Variants in ZNF528 observed in about 807,000 individuals in gnomAD.
ZNF528 encodes the protein zinc finger protein 528.
In ZNF528, 9 loss-of-function variants were observed where a neutral mutation model predicts 13.3. The ratio of observed to expected loss-of-function variants is 0.67; its 90% CI spans 0.41 to 1.18. The LOEUF (loss-of-function observed/expected upper bound fraction) is 1.18, where lower values mean the gene tolerates loss of function less well. Among genes scored for constraint, ZNF528 ranks in the 50% most tolerant of loss-of-function variants. The pLI is 0.01. For synonymous variants in ZNF528, 264 were observed against 254.3 expected, an observed-to-expected ratio of 1.04 and a Z score of -0.36; for missense variants, 858 against 745.4, an observed-to-expected ratio of 1.15 and a Z score of -1.76.
At chr19:52,398,834 C>G (rs1407121646) in intron 2 of ZNF528, among the ~76,000 whole-genome samples, 2 of 152,044 alleles carry the variant, frequency 1.3e-5, no homozygotes, top group Non-Finnish European at 2.9e-5. Flanking sequence ...GAGGGGGCAG[C>G]TGGTCACAAG....
chr19:52,416,415 C>A lies in ZNF528; in HGVS notation c.1563C>A (p.Tyr521Ter). 6.2e-7 allele frequency: 1 copy of A among 1,614,112 alleles called. No homozygotes were observed. Among genetic ancestry groups the A allele is most frequent in the Non-Finnish European group, 8.5e-7 (1 of 1,180,008 alleles). The change falls in exon 7 of 7, where the codon TAC becomes TAA. Residue 521 changes from tyrosine (Y) to a stop codon, truncating the protein, a stop_gained. Coordinates refer to ENST00000360465, the MANE Select transcript of ZNF528 (RefSeq NM_032423.3). LOFTEE classifies it low-confidence loss of function (END_TRUNC). ...HQKIHTGEKP[Y>*]KCNQCGKVFN... ...AAATTCATACAGGAGAAAAGCCTTA[C>A]AAATGTAATCAATGTGGCAAGGTCT...
At chr19:52,405,772 C>A in intron 4 of ZNF528, 135 bp from the exon 5 acceptor site, 2 of 1,199,568 alleles carry the variant, frequency 1.7e-6, no homozygotes, top group Non-Finnish European at 2.4e-6. Context: ...ACGTAACTGG[C>A]TCAAGAATAC....
intron 6 of ZNF528, chr19:52,412,563 G>C (rs1585207): frequency 0.64 from 96,968 of 151,972 alleles, 33,160 homozygotes; most frequent in Non-Finnish European, 0.79. Flanking sequence ...AGAATGCCCT[G>C]ATTGTTTGAG....
chr19:52,398,864 G>A (rs923324730), intron 2 of ZNF528, among the ~76,000 whole-genome samples: 8 of 152,152 alleles, frequency 5.3e-5, no homozygotes, highest in African/African-American at 1.9e-4. Flanking sequence ...GAGAACCACA[G>A]CAGGGGGAGG....
rs113411908 is a variant in ZNF528, at chr19:52,406,338, G to A, written c.143-177G>A. Among the ~76,000 whole-genome samples the A allele has an allele frequency of 4.3e-4, 65 of 152,284 alleles. No individual in the cohort carries two copies. In the Middle Eastern group the frequency reaches 0.01, roughly 24 times the overall value. On this transcript the variant is annotated intron_variant, in intron 5 of 6. Transcript: ENST00000360465. ...GCTTTTGATTCTATAGTTCTTGGAA[G>A]GGGGCTCTATGTCTGCATGTTACAA...
chr19:52,400,723 A>G (rs1335460895), intron 2 of ZNF528, among the ~76,000 whole-genome samples: 1 of 151,784 alleles, frequency 6.6e-6, no homozygotes, highest in Non-Finnish European at 1.5e-5. Flanking sequence ...ACAAAGTCTC[A>G]CTACATTGCC....
rs143503832 is a variant in ZNF528 at position 52,416,670 on chromosome 19, A to T, written c.1818A>T (p.Lys606Asn). The T allele has an allele frequency of 4.0e-5, 64 of 1,613,852 alleles. No homozygotes were observed. Among genetic ancestry groups the T allele is most frequent in the Non-Finnish European group, 5.1e-5 (60 of 1,179,820 alleles). The stretch of plus-strand genomic sequence containing the variant: ...TTCACATTGGAGAGAAACCTTACAA[A>T]TGCACCCTGTGCAGTAAGGTCTTCA... Reference protein sequence around the residue: ...HRIHIGEKPYKCTLCSKVFSH... With the variant: ...HRIHIGEKPYNCTLCSKVFSH... Residue 606 changes from lysine to asparagine, a missense_variant, in exon 7 of 7, where the codon AAA becomes AAT. Physicochemically the swap from Lys to Asn is moderately conservative, Grantham distance 94 (BLOSUM62 0). Transcript: ENST00000360465.
intron 6 of ZNF528, chr19:52,413,940 T>C: frequency 5.2e-6 from 2 of 384,480 alleles, no homozygotes; most frequent in Non-Finnish European, 9.7e-6. Flanking sequence ...CCATGGGCCA[T>C]GCATCATAAT....
At position 52,398,604 on chromosome 19, in the gene ZNF528, G is replaced by C. The variant is rs971644626; in HGVS notation, c.-152G>C. 5 of 985,400 alleles carry C rather than the reference G, an allele frequency of 5.1e-6. No individual in the cohort carries two copies. In the African/African-American group the frequency reaches 8.7e-5, roughly 17 times the overall value. The allele number at this position is 985,400 out of a possible 1,614,324, so 61.0% of individuals were successfully genotyped here. A position where few individuals can be genotyped will look rare whatever the true frequency, so the allele number is the denominator to read the frequency against. The stretch of plus-strand genomic sequence containing the variant: ...ATGAAGAATGAGAGACCCATTAACA[G>C]AAGGCAAAGTAGAAGGTGAGTGAGG... On this transcript the variant is annotated 5_prime_UTR_variant, in exon 2 of 7. Coordinates refer to ENST00000360465, the MANE Select transcript of ZNF528 (RefSeq NM_032423.3).
In ZNF528 at chr19:52,417,197, G is replaced by T. The variant is rs1022861663; in HGVS notation, c.*458G>T. 5 of 267,344 alleles carry T rather than the reference G, an allele frequency of 1.9e-5. No homozygotes were observed. Among genetic ancestry groups the T allele is most frequent in the Non-Finnish European group, 3.6e-5 (5 of 137,374 alleles). 16.6% of individuals were successfully genotyped at this position (267,344 alleles called of 1,614,324 possible). ...CTTTGTGACTTCGAAATCTTTTCATGTGCCTTCCATACAGGCCATTCACTG... is the reference window on the plus strand; with the variant it reads ...CTTTGTGACTTCGAAATCTTTTCATTTGCCTTCCATACAGGCCATTCACTG... On this transcript the variant is annotated 3_prime_UTR_variant, in exon 7 of 7. Coordinates refer to ENST00000360465, the MANE Select transcript of ZNF528 (RefSeq NM_032423.3).
chr19:52,409,836 C>A (rs930282164), intron 6 of ZNF528, among the ~76,000 whole-genome samples: 1 of 152,052 alleles, frequency 6.6e-6, no homozygotes, highest in Admixed American at 6.6e-5. Context: ...CTTGTCTTAG[C>A]CTCCTGAGTA....
intron 4 of ZNF528, among the ~76,000 whole-genome samples, 164 bp from the exon 5 acceptor site, chr19:52,405,743 T>C (rs12462502): frequency 0.011 from 1,687 of 152,266 alleles, 31 homozygotes; most frequent in African/African-American, 0.039. Flanking sequence ...AGAAATATAA[T>C]AAAACCACAA....
chr19:52,399,974 T>C (rs994028658), intron 2 of ZNF528, among the ~76,000 whole-genome samples: 1 of 152,144 alleles, frequency 6.6e-6, no homozygotes, highest in Non-Finnish European at 1.5e-5. Flanking sequence ...TGTGGTTTTT[T>C]CCTGTCTCAA....
chr19:52,404,448 A>G (rs986417650), intron 4 of ZNF528, among the ~76,000 whole-genome samples: 2 of 151,898 alleles, frequency 1.3e-5, no homozygotes, highest in African/African-American at 4.8e-5. Flanking sequence ...GGATGCTCTC[A>G]GTCTCTTGAC....
Position 52,415,788 on chromosome 19 carries a change from T to C in ZNF528, c.936T>C (p.Leu312=). 1.2e-6 allele frequency: 2 copies of C among 1,614,012 alleles called. No homozygotes were observed. Among genetic ancestry groups the C allele is most frequent in the Non-Finnish European group, 8.5e-7 (1 of 1,179,998 alleles). ...AGGTCTTCAATCAAATTGCACACCTTGTACGACATCAAAAAATTCATACTG... is the reference window on the plus strand; with the variant it reads ...AGGTCTTCAATCAAATTGCACACCTCGTACGACATCAAAAAATTCATACTG... ...CDKVFNQIAH[L]VRHQKIHTGE... The change falls in exon 7 of 7, where the codon CTT becomes CTC. Residue 312 remains leucine, a synonymous_variant. Coordinates refer to ENST00000360465, the MANE Select transcript of ZNF528 (RefSeq NM_032423.3).
chr19:52,407,188 G>C (rs1381313825), intron 6 of ZNF528, among the ~76,000 whole-genome samples: 1 of 146,948 alleles, frequency 6.8e-6, no homozygotes, highest in Non-Finnish European at 1.5e-5. Context: ...ACCCAGTCCA[G>C]AATGCAGTGG....
Position 52,401,968 on chromosome 19 carries a change from A to G in ZNF528, c.-46A>G, listed in dbSNP as rs761976788. 1.9e-5 allele frequency: 31 copies of G among 1,613,986 alleles called. No homozygotes were observed. In the Admixed American group the frequency reaches 4.5e-4, roughly 23 times the overall value. On this transcript the variant is annotated 5_prime_UTR_variant, in exon 4 of 7. The change creates a new upstream start codon in the 5' untranslated region. Transcript: ENST00000360465. Reference sequence around the variant, plus strand: ...TCAGGATTCACTTCCAAAGAGACATATTATGCAAGGAAGCAACTTGGAAGA... The same window carrying G: ...TCAGGATTCACTTCCAAAGAGACATGTTATGCAAGGAAGCAACTTGGAAGA...
At chr19:52,401,075 T>C (rs1052875663) in intron 2 of ZNF528, among the ~76,000 whole-genome samples, 3 of 152,112 alleles carry the variant, frequency 2.0e-5, no homozygotes, top group African/African-American at 7.2e-5. Flanking sequence ...ACCCTCAGCT[T>C]TTCCTTTTGA....
chr19:52,405,304 G>A (rs966257240), intron 4 of ZNF528, among the ~76,000 whole-genome samples: 1 of 151,828 alleles, frequency 6.6e-6, no homozygotes, highest in Non-Finnish European at 1.5e-5. Context: ...GCCAAGGTGG[G>A]AGGATAGCTT....
Sources: gnomAD v4.1 joint callset for allele counts (sites outside exome capture counted in the v4.1 genomes callset) on GRCh38, gnomAD v4.1.1 for gene constraint, MANE v1.5 for transcripts, NCBI Gene and HGNC (gene_info 2026-07-23, HGNC 2026-07-21) for gene names.